The following CDR2 variants were observed in gnomAD, a reference collection of about 807,000 sequenced individuals.
CDR2 encodes the protein cerebellar degeneration related protein 2, also known as cerebellar degeneration-related protein 2.
In CDR2, 34 loss-of-function variants were observed where a neutral mutation model predicts 48.4. That is an observed-to-expected ratio of 0.70 (90% CI 0.53 to 0.94). The LOEUF is 0.94. Ranked by LOEUF, CDR2 falls within the 40% of genes least tolerant of loss-of-function variation. CDR2 has a pLI of 0.00. For missense variants in CDR2, 498 were observed against 549.5 expected (o/e 0.91, Z 0.94); for synonymous variants, 240 against 219.7 (o/e 1.09, Z -0.82).
At chr16:22,349,104 A>G in intron 4 of CDR2, 175 bp downstream of exon 4, 2 of 622,176 alleles carry the variant, frequency 3.2e-6, no homozygotes, top group Non-Finnish European at 5.6e-6. Context: ...AATGAGAACT[A>G]CTAATATCTA....
Position 22,349,812 on chromosome 16 carries a change from T to A in CDR2, c.230A>T (p.Asn77Ile), listed in dbSNP as rs2048930311. Residue 77 changes from asparagine (N) to isoleucine (I), a missense_variant, in exon 3 of 5, where the codon AAC becomes ATC. By Grantham distance (149) the Asn-to-Ile change is moderately radical. Coordinates refer to ENST00000268383, the MANE Select transcript of CDR2 (RefSeq NM_001802.2). The stretch of plus-strand genomic sequence containing the variant: ...TTCATAAACCTTTGCATGTTGTTCG[T>A]TCATCTGCCGTAGAAGTTCCACTTG... Reference protein sequence around the residue: ...TKQVELLRQMNEQHAKVYEQL... With the variant: ...TKQVELLRQMIEQHAKVYEQL... 6.2e-7 allele frequency: 1 copy of A among 1,614,158 alleles called. No individual in the cohort carries two copies. The highest frequency in any genetic ancestry group is 2.2e-5 in the East Asian group (1 of 44,884).
rs2049104370 is a variant in CDR2, at chr16:22,374,438, T to C, written c.-129A>G. On this transcript the variant is annotated 5_prime_UTR_variant, in exon 1 of 5. Coordinates refer to ENST00000268383, the MANE Select transcript of CDR2 (RefSeq NM_001802.2). ...GGGCGGGACGCGCCGCCGCCCAGAC[T>C]CCGCTGCGCCGCCTCAGCCCCGTTC... The C allele has an allele frequency of 2.6e-6, 1 of 391,260 alleles. No homozygotes were observed. Among genetic ancestry groups the C allele is most frequent in the East Asian group, 5.1e-5 (1 of 19,580 alleles). 24.2% of individuals were successfully genotyped at this position (391,260 alleles called of 1,614,324 possible). A position where few individuals can be genotyped will look rare whatever the true frequency, so the allele number is the denominator to read the frequency against.
intron 2 of CDR2, among the ~76,000 whole-genome samples, chr16:22,358,826 A>C (rs907840417): frequency 6.6e-6 from 1 of 152,228 alleles, no homozygotes; most frequent in Non-Finnish European, 1.5e-5. Flanking sequence ...CCCATTATTA[A>C]AATTGTGGGA....
At chr16:22,370,327 AC>A (rs2049067823) in intron 1 of CDR2, among the ~76,000 whole-genome samples, 1 of 152,206 alleles carries the variant, frequency 6.6e-6, no homozygotes, top group African/African-American at 2.4e-5. Flanking sequence ...AGTTTTAATA[AC>A]CCTCCAAACA....
intron 1 of CDR2, among the ~76,000 whole-genome samples, chr16:22,371,758 GAC>G (rs928292678): frequency 6.6e-5 from 10 of 152,140 alleles, no homozygotes; most frequent in African/African-American, 2.4e-4. Context: ...AGTTGGTTAT[GAC>G]ACAGAGGGTT....
intron 1 of CDR2, among the ~76,000 whole-genome samples, chr16:22,371,736 C>T (rs906667881): frequency 5.9e-5 from 9 of 152,294 alleles, no homozygotes; most frequent in Admixed American, 1.3e-4. Context: ...ATCTTCTACT[C>T]GTACTCCATA....
Position 22,347,550 on chromosome 16 carries a change from C to T in CDR2, c.780G>A (p.Met260Ile), listed in dbSNP as rs781243956. The T allele has an allele frequency of 1.2e-6, 2 of 1,614,144 alleles. No homozygotes were observed. The highest frequency in any genetic ancestry group is 1.3e-5 in the African/African-American group (1 of 75,070). The change falls in exon 5 of 5, where the codon ATG (methionine) becomes ATA (isoleucine). Residue 260 changes from methionine (M) to isoleucine (I), a missense_variant. Met to Ile is a conservative substitution (Grantham distance 10, BLOSUM62 1). Coordinates refer to ENST00000268383, the MANE Select transcript of CDR2 (RefSeq NM_001802.2). ...TCACAAATGGATGCTCTGACTGCAA[C>T]ATCTGTCGCATCTCTGCCACCTCGG... Reference protein sequence around the residue: ...LEAEVAEMRQMLQSEHPFVNG... With the variant: ...LEAEVAEMRQILQSEHPFVNG...
intron 2 of CDR2, among the ~76,000 whole-genome samples, chr16:22,361,357 G>A (rs1162889572): frequency 1.3e-5 from 2 of 152,194 alleles, no homozygotes; most frequent in Non-Finnish European, 2.9e-5. Flanking sequence ...TTAAGGAGAG[G>A]GCCCTTATAA....
intron 2 of CDR2, among the ~76,000 whole-genome samples, chr16:22,358,738 TCC>T (rs1324458781): frequency 6.6e-6 from 1 of 152,158 alleles, no homozygotes; most frequent in East Asian, 1.9e-4. Flanking sequence ...AAAATCTCTT[TCC>T]CCTGATGAAA....
At position 22,363,873 on chromosome 16, in the gene CDR2, C is replaced by T. The variant is rs79773772; in HGVS notation, c.192+1029G>A. Among the ~76,000 whole-genome samples the T allele has an allele frequency of 7.0e-3, 1,063 of 152,224 alleles. 10 individuals are homozygous for T. The highest frequency in any genetic ancestry group is 0.024 in the African/African-American group (992 of 41,528). Reference sequence around the variant, plus strand: ...TTATAAGATTAGCAGCATAGAGGGCCATTTTAATGCCCTAGTCTAGCATCT... The same window carrying T: ...TTATAAGATTAGCAGCATAGAGGGCTATTTTAATGCCCTAGTCTAGCATCT... On this transcript the variant is annotated intron_variant, in intron 2 of 4. Transcript: ENST00000268383.
At chr16:22,366,459 T>G (rs2049045171) in intron 1 of CDR2, among the ~76,000 whole-genome samples, 1 of 151,794 alleles carries the variant, frequency 6.6e-6, no homozygotes, top group African/African-American at 2.4e-5. Flanking sequence ...AGGCTGAAAT[T>G]TAAGAACATG....
At chr16:22,361,309 A>C (rs1489156524) in intron 2 of CDR2, among the ~76,000 whole-genome samples, 1 of 152,266 alleles carries the variant, frequency 6.6e-6, no homozygotes, top group African/African-American at 2.4e-5. Flanking sequence ...TTCAATAAAA[A>C]GTTTAAGGGA....
intron 4 of CDR2, among the ~76,000 whole-genome samples, chr16:22,348,791 G>A (rs919990364): frequency 1.3e-5 from 2 of 152,272 alleles, no homozygotes; most frequent in Admixed American, 1.3e-4. Context: ...CTGCCGTTCC[G>A]TTAGACTGAA....
chr16:22,348,000 C>T (rs1267007691), intron 4 of CDR2, among the ~76,000 whole-genome samples, 177 bp from the exon 5 acceptor site: 3 of 151,750 alleles, frequency 2.0e-5, no homozygotes, highest in Non-Finnish European at 4.4e-5. Context: ...TGCAGTGAAG[C>T]GATCTCAGCT....
chr16:22,347,780 A>G lies in CDR2; in HGVS notation c.550T>C (p.Leu184=). 1 of 1,613,962 alleles carries G rather than the reference A, an allele frequency of 6.2e-7. No homozygotes were observed. The highest frequency in any genetic ancestry group is 1.1e-5 in the South Asian group (1 of 91,072). ...DHVFAEKITS[L]QGQPSPDEEE... ...TCATCAGGGCTTGGCTGACCTTGCA[A>G]GGAAGTGATCTTCTCAGCGAACACA... The change falls in exon 5 of 5, where the codon TTG becomes CTG. Residue 184 remains leucine, a synonymous_variant. Coordinates refer to ENST00000268383, the MANE Select transcript of CDR2 (RefSeq NM_001802.2).
intron 2 of CDR2, among the ~76,000 whole-genome samples, chr16:22,350,950 C>T (rs1287359298): frequency 6.6e-6 from 1 of 152,154 alleles, no homozygotes; most frequent in East Asian, 1.9e-4. Flanking sequence ...CATAGGTATA[C>T]ATGTGACATG....
chr16:22,352,175 G>A (rs928740037), intron 2 of CDR2, among the ~76,000 whole-genome samples: 1 of 152,140 alleles, frequency 6.6e-6, no homozygotes, highest in South Asian at 2.1e-4. Context: ...TCTTTTGAAC[G>A]TGGGAGGTGA....
intron 1 of CDR2, among the ~76,000 whole-genome samples, chr16:22,367,987 TG>T (rs1429518496): frequency 2.0e-5 from 3 of 151,992 alleles, no homozygotes; most frequent in Non-Finnish European, 4.4e-5. Context: ...TTTGGGAGGG[TG>T]AACCAGATGG....
In CDR2 at chr16:22,347,407, C is replaced by A. The variant is rs541082194; in HGVS notation, c.923G>T (p.Arg308Leu). The A allele has an allele frequency of 1.9e-5, 30 of 1,614,156 alleles. No individual in the cohort carries two copies. The South Asian group carries it at 3.1e-4, about 17-fold the overall frequency. ...VPESHRKPLK[R>L]SSSETILSSL... ...GCTGAGGATCGTCTCACTGCTGCTG[C>A]GCTTGAGAGGCTTTCTATGTGATTC... The change falls in exon 5 of 5, where the codon CGC (arginine) becomes CTC (leucine). Residue 308 changes from arginine to leucine, a missense_variant. Arg to Leu is a moderately radical substitution (Grantham distance 102). Coordinates refer to ENST00000268383, the MANE Select transcript of CDR2 (RefSeq NM_001802.2).
Sources: allele counts gnomAD v4.1 joint callset (sites outside exome capture counted in the v4.1 genomes callset), GRCh38; gene constraint gnomAD v4.1.1; transcripts MANE v1.5; gene names NCBI Gene and HGNC (gene_info 2026-07-23, HGNC 2026-07-21).